The following SLC35F3 variants were observed in gnomAD, a reference collection of about 807,000 sequenced individuals.
The protein encoded by SLC35F3 is putative thiamine transporter SLC35F3.
In SLC35F3, 25 loss-of-function variants were observed where a neutral mutation model predicts 49.9. That is an observed-to-expected ratio of 0.50 (90% CI 0.37 to 0.70). The LOEUF (loss-of-function observed/expected upper bound fraction) is 0.70. Ranked by LOEUF, SLC35F3 falls within the 30% of genes least tolerant of loss-of-function variation. The pLI, the probability that SLC35F3 is intolerant of heterozygous loss-of-function variation, is 0.00. For missense variants in SLC35F3, 525 were observed against 639.8 expected (o/e 0.82, Z 1.94); for synonymous variants, 275 against 265.4 (o/e 1.04, Z -0.35).
intron 2 of SLC35F3, among the ~76,000 whole-genome samples, chr1:234,073,961 G>T (rs1664759080): frequency 6.6e-6 from 1 of 152,132 alleles, no homozygotes; most frequent in Non-Finnish European, 1.5e-5. Context: ...CATTGTCCAA[G>T]CTTTAGTTTC....
chr1:234,170,815 C>G (rs771799344), intron 2 of SLC35F3, among the ~76,000 whole-genome samples: 2 of 150,962 alleles, frequency 1.3e-5, no homozygotes, highest in African/African-American at 2.5e-5. Context: ...AACGGTTGCA[C>G]GAACGCAATT....
At chr1:234,067,456 G>A (rs1310373639) in intron 2 of SLC35F3, among the ~76,000 whole-genome samples, 2 of 152,150 alleles carry the variant, frequency 1.3e-5, no homozygotes, top group Non-Finnish European at 2.9e-5. Context: ...CATGACCTCC[G>A]CATATCCTCT....
chr1:233,966,758 A>G (rs12567145), intron 2 of SLC35F3, among the ~76,000 whole-genome samples: 31,002 of 152,198 alleles, frequency 0.2, 3,379 homozygotes, highest in East Asian at 0.37. Flanking sequence ...TCACAAGCTA[A>G]TTCTGCAAAG....
intron 2 of SLC35F3, among the ~76,000 whole-genome samples, chr1:233,993,159 G>T (rs1463882722): frequency 2.0e-5 from 3 of 152,138 alleles, no homozygotes; most frequent in African/African-American, 7.2e-5. Flanking sequence ...TAGAGACGGG[G>T]TTTCACCATG....
chr1:234,285,868 A>G (rs889136677), intron 3 of SLC35F3, among the ~76,000 whole-genome samples: 1 of 152,316 alleles, frequency 6.6e-6, no homozygotes, highest in African/African-American at 2.4e-5. Context: ...GAGAAAGAAG[A>G]GTTGAAAGTA....
intron 2 of SLC35F3, among the ~76,000 whole-genome samples, chr1:234,067,157 AT>A (rs71170450): frequency 4.0e-5 from 6 of 151,566 alleles, no homozygotes; most frequent in Admixed American, 2.6e-4. Flanking sequence ...GGCAATTGTG[AT>A]TTTTTTTTCT....
At chr1:233,982,582 C>T (rs1663203560) in intron 2 of SLC35F3, among the ~76,000 whole-genome samples, 1 of 152,146 alleles carries the variant, frequency 6.6e-6, no homozygotes, top group African/African-American at 2.4e-5. Flanking sequence ...CCATGTTGGT[C>T]AGCCTGGTCT....
intron 2 of SLC35F3, among the ~76,000 whole-genome samples, chr1:234,084,140 A>G (rs1419956228): frequency 1.3e-5 from 2 of 151,922 alleles, no homozygotes; most frequent in African/African-American, 4.8e-5. Context: ...TGCCTGGCCA[A>G]CAACATTTGT....
intron 2 of SLC35F3, among the ~76,000 whole-genome samples, chr1:234,211,541 G>T (rs1006599398): frequency 9.9e-5 from 15 of 152,230 alleles, no homozygotes; most frequent in Non-Finnish European, 2.1e-4. Flanking sequence ...GAGACATGGA[G>T]TCAAAGGAGA....
At chr1:234,003,085 G>T (rs1663577857) in intron 2 of SLC35F3, among the ~76,000 whole-genome samples, 1 of 152,096 alleles carries the variant, frequency 6.6e-6, no homozygotes, top group Non-Finnish European at 1.5e-5. Context: ...TCCTGCCCCA[G>T]TCCTAGAATC....
At chr1:233,907,425 AGT>A (rs1282744048) in intron 2 of SLC35F3, among the ~76,000 whole-genome samples, 2 of 152,200 alleles carry the variant, frequency 1.3e-5, no homozygotes, top group Non-Finnish European at 2.9e-5. Flanking sequence ...GTGGAAATGG[AGT>A]CCCTTGCATC....
chr1:234,033,055 A>C (rs1664086673), intron 2 of SLC35F3, among the ~76,000 whole-genome samples: 2 of 151,726 alleles, frequency 1.3e-5, no homozygotes, highest in African/African-American at 4.8e-5. Context: ...CCATTCTTGC[A>C]GGAGTAAGAT....
intron 2 of SLC35F3, among the ~76,000 whole-genome samples, chr1:233,909,161 A>G (rs561244931): frequency 4.0e-4 from 61 of 152,234 alleles, no homozygotes; most frequent in African/African-American, 1.5e-3. Flanking sequence ...CCAGCCTAGG[A>G]TTCTTTTTTA....
chr1:233,963,719 T>C (rs1662847429), intron 2 of SLC35F3, among the ~76,000 whole-genome samples: 1 of 152,206 alleles, frequency 6.6e-6, no homozygotes, highest in South Asian at 2.1e-4. Context: ...CTTCAGCCTC[T>C]CAGATGTGGG....
At chr1:233,950,763 GT>G (rs1320365467) in intron 2 of SLC35F3, among the ~76,000 whole-genome samples, 1 of 152,002 alleles carries the variant, frequency 6.6e-6, no homozygotes, top group Non-Finnish European at 1.5e-5. Context: ...TCTCATCAGA[GT>G]TTTAACTCCC....
intron 3 of SLC35F3, among the ~76,000 whole-genome samples, chr1:234,295,036 C>A (rs1235116564): frequency 6.6e-6 from 1 of 152,204 alleles, no homozygotes; most frequent in Non-Finnish European, 1.5e-5. Flanking sequence ...CTGAGTTCAG[C>A]CAGATGCAGA....
intron 2 of SLC35F3, among the ~76,000 whole-genome samples, chr1:234,220,621 A>G (rs1172010243): frequency 2.0e-5 from 3 of 152,218 alleles, no homozygotes; most frequent in Non-Finnish European, 1.5e-5. Flanking sequence ...GACAACTGCC[A>G]TGTGGTATGC....
At chr1:233,977,182 C>G (rs1663106075) in intron 2 of SLC35F3, among the ~76,000 whole-genome samples, 1 of 152,244 alleles carries the variant, frequency 6.6e-6, no homozygotes, top group Admixed American at 6.5e-5. Flanking sequence ...CAGCCCTGCA[C>G]CTGCTTCTCT....
intron 2 of SLC35F3, among the ~76,000 whole-genome samples, chr1:234,205,312 T>C (rs999703170): frequency 6.6e-6 from 1 of 152,126 alleles, no homozygotes; most frequent in African/African-American, 2.4e-5. Context: ...AGCAGAAACA[T>C]AGCGCCAGGA....
Sources: gnomAD v4.1 joint callset for allele counts (sites outside exome capture counted in the v4.1 genomes callset) on GRCh38, gnomAD v4.1.1 for gene constraint, MANE v1.5 for transcripts, NCBI Gene and HGNC (gene_info 2026-07-23, HGNC 2026-07-21) for gene names.